RBBP4: variants seen among roughly 807,000 people sequenced by gnomAD.
RBBP4 encodes RB binding protein 4, chromatin remodeling factor.
RBBP4 carries 3 observed loss-of-function variants against 57.2 expected under a neutral mutation model. The observed-to-expected ratio is 0.05, with a 90% CI of 0.02 to 0.14. The LOEUF is 0.14. RBBP4 is among the 10% of genes least tolerant of loss of function. RBBP4 has a pLI of 1.00. For missense variants in RBBP4, 107 were observed against 520.6 expected, an observed-to-expected ratio of 0.21 and a Z score of 7.73; for synonymous variants, 151 against 171.5, an observed-to-expected ratio of 0.88 and a Z score of 0.93.
intron 3 of RBBP4, among the ~76,000 whole-genome samples, chr1:32,663,957 C>T (rs1055622724): frequency 2.4e-4 from 35 of 147,984 alleles, no homozygotes; most frequent in Non-Finnish European, 3.0e-4. Context: ...GATGGAGTCT[C>T]GCTCTGTTGC....
intron 3 of RBBP4, among the ~76,000 whole-genome samples, chr1:32,667,912 A>T (rs1267616607): frequency 6.6e-6 from 1 of 152,196 alleles, no homozygotes; most frequent in African/African-American, 2.4e-5. Flanking sequence ...GGGGATAATG[A>T]TGAGGGGGAA....
chr1:32,652,558 T>A (rs985560476), intron 2 of RBBP4: 1 of 153,368 alleles, frequency 6.5e-6, no homozygotes, highest in Non-Finnish European at 1.5e-5. Flanking sequence ...TTTTTCTTTT[T>A]GAGACGGTGT....
intron 11 of RBBP4, among the ~76,000 whole-genome samples, chr1:32,677,490 AAAAC>A (rs373752566): frequency 5.1e-4 from 76 of 150,006 alleles, no homozygotes; most frequent in African/African-American, 1.8e-3. Context: ...AACAAAACAA[AAAAC>A]AAACAAAAAA....
At chr1:32,660,158 A>G (rs1218993540) in intron 3 of RBBP4, among the ~76,000 whole-genome samples, 1 of 152,174 alleles carries the variant, frequency 6.6e-6, no homozygotes, top group Non-Finnish European at 1.5e-5. Context: ...ACCTCTTCAT[A>G]TAAGGTAAAT....
In RBBP4 at chr1:32,686,147, AAT is replaced by A. The variant is rs752089738; in HGVS notation, c.*6445_*6446del. On this transcript the variant is annotated 3_prime_UTR_variant, in exon 12 of 12. Transcript: ENST00000373493. ...CACACAAAATGTAAAATATGTCAAA[AAT>A]ATTTGATACTGATTACATGTTGAAA... 3 of 152,234 alleles carry A rather than the reference AAT, an allele frequency of 2.0e-5. No individual in the cohort carries two copies. Among genetic ancestry groups the A allele is most frequent in the Admixed American group, 6.5e-5 (1 of 15,286 alleles). 9.4% of individuals were successfully genotyped at this position (152,234 alleles called of 1,614,324 possible). A position where few individuals can be genotyped will look rare whatever the true frequency, so the allele number is the denominator to read the frequency against.
rs979673019 is a variant in RBBP4, at chr1:32,685,064, C to G, written c.*5359C>G. 6.6e-6 allele frequency: 1 copy of G among 152,200 alleles called. No homozygotes were observed. The highest frequency in any genetic ancestry group is 2.4e-5 in the African/African-American group (1 of 41,412). The allele number at this position is 152,200 out of a possible 1,614,324, so 9.4% of individuals were successfully genotyped here. On this transcript the variant is annotated 3_prime_UTR_variant, in exon 12 of 12. Coordinates refer to ENST00000373493, the MANE Select transcript of RBBP4 (RefSeq NM_005610.3). Reference sequence around the variant, plus strand: ...ACAGGGTCTCGCTATGTTGCCCAGGCTGGTCTTGTTCCTGGGCTCAAGCAG... The same window carrying G: ...ACAGGGTCTCGCTATGTTGCCCAGGGTGGTCTTGTTCCTGGGCTCAAGCAG...
At chr1:32,678,701 T>C (rs1489706285) in intron 11 of RBBP4, among the ~76,000 whole-genome samples, 1 of 147,248 alleles carries the variant, frequency 6.8e-6, no homozygotes, top group Non-Finnish European at 1.5e-5. Context: ...TCAATTCTTA[T>C]GCCTCAGCCT....
At chr1:32,651,544 G>C (rs1647654095) in intron 1 of RBBP4, 2 of 1,239,328 alleles carry the variant, frequency 1.6e-6, no homozygotes, top group African/African-American at 1.6e-5. Context: ...CCCCCGGCCA[G>C]TGTTTGTTTC....
rs1251484748 is a variant in RBBP4, at chr1:32,686,063, G to GGT, written c.*6358_*6359insGT. 6.6e-6 allele frequency: 1 copy of GGT among 152,156 alleles called. No homozygotes were observed. Among genetic ancestry groups the GGT allele is most frequent in the Non-Finnish European group, 1.5e-5 (1 of 68,028 alleles). The allele number at this position is 152,156 out of a possible 1,614,324, so 9.4% of individuals were successfully genotyped here. A position where few individuals can be genotyped will look rare whatever the true frequency, so the allele number is the denominator to read the frequency against. On this transcript the variant is annotated 3_prime_UTR_variant, in exon 12 of 12. Coordinates refer to ENST00000373493, the MANE Select transcript of RBBP4 (RefSeq NM_005610.3). ...GTCACATAGGACTCATTTGAAATATGACTAGTCTCAATTGAGATGTAATGT... is the reference window on the plus strand; with the variant it reads ...GTCACATAGGACTCATTTGAAATATGGTACTAGTCTCAATTGAGATGTAATGT...
At position 32,681,652 on chromosome 1, in the gene RBBP4, G is replaced by C. The variant is rs1289613318; in HGVS notation, c.*1947G>C. ...CAGATGAAATAGAATCCAGCAAAGA[G>C]TTGACATGTTCTGCCTCCGGCCAAC... is the stretch of plus-strand genomic sequence containing the variant. On this transcript the variant is annotated 3_prime_UTR_variant, in exon 12 of 12. Coordinates refer to ENST00000373493, the MANE Select transcript of RBBP4 (RefSeq NM_005610.3). 1.4e-6 allele frequency: 1 copy of C among 714,422 alleles called. No individual in the cohort carries two copies. Among genetic ancestry groups the C allele is most frequent in the Non-Finnish European group, 2.4e-6 (1 of 418,976 alleles). The allele number at this position is 714,422 out of a possible 1,614,324, so 44.3% of individuals were successfully genotyped here.
intron 2 of RBBP4, among the ~76,000 whole-genome samples, chr1:32,653,474 G>T (rs1385283728): frequency 6.6e-6 from 1 of 151,974 alleles, no homozygotes; most frequent in Admixed American, 6.6e-5. Flanking sequence ...ACAAATGATA[G>T]AAATTTGGCA....
At chr1:32,665,590 A>G (rs1648609956) in intron 3 of RBBP4, among the ~76,000 whole-genome samples, 1 of 151,570 alleles carries the variant, frequency 6.6e-6, no homozygotes, top group Non-Finnish European at 1.5e-5. Context: ...AGGCAGGAGA[A>G]TCGCTTGAAC....
rs1264568782 is a variant in RBBP4 at position 32,672,908 on chromosome 1, G to T, written c.1212+7G>T. On this transcript the variant is annotated splice_region_variant and intron_variant, in intron 11 of 11. Transcript: ENST00000373493. ...CATGCAAGTGTGGCAAATGGTAAGG[G>T]TTTAGTAATTTATTTTGGGGAGGTG... The T allele has an allele frequency of 1.9e-6, 3 of 1,587,862 alleles. No homozygotes were observed. Among genetic ancestry groups the T allele is most frequent in the Non-Finnish European group, 8.6e-7 (1 of 1,158,316 alleles).
At chr1:32,659,833 T>C (rs1472078664) in intron 3 of RBBP4, among the ~76,000 whole-genome samples, 4 of 152,212 alleles carry the variant, frequency 2.6e-5, no homozygotes, top group Non-Finnish European at 1.5e-5. Flanking sequence ...AACTATTCCT[T>C]ACTGATAGAC....
intron 11 of RBBP4, among the ~76,000 whole-genome samples, chr1:32,678,283 G>C (rs1649200485): frequency 6.6e-6 from 1 of 152,172 alleles, no homozygotes; most frequent in African/African-American, 2.4e-5. Context: ...CTGGAGTGCA[G>C]TGGTGTGATC....
chr1:32,655,390 A>G (rs1648094045), intron 2 of RBBP4, among the ~76,000 whole-genome samples: 1 of 149,048 alleles, frequency 6.7e-6, no homozygotes, highest in Non-Finnish European at 1.5e-5. Context: ...CCCCCCTTTA[A>G]AAAGAAAGAA....
chr1:32,651,818 T>C, intron 1 of RBBP4, 96 bp from the exon 2 acceptor site: 1 of 1,359,512 alleles, frequency 7.4e-7, no homozygotes, highest in Admixed American at 2.2e-5. Flanking sequence ...CACCTCCATT[T>C]CATGGTTAGG....
chr1:32,659,164 TACAC>T (rs917835888), intron 3 of RBBP4, among the ~76,000 whole-genome samples: 35 of 148,914 alleles, frequency 2.4e-4, no homozygotes, highest in East Asian at 1.2e-3. Context: ...TATGTAATTT[TACAC>T]ACACACAATA....
At chr1:32,662,400 G>A (rs1202268924) in intron 3 of RBBP4, 1 of 171,312 alleles carries the variant, frequency 5.8e-6, no homozygotes, top group Non-Finnish European at 1.3e-5. Flanking sequence ...TTTTGAGACA[G>A]AATTTCACTC....
Sources: allele counts gnomAD v4.1 joint callset (sites outside exome capture counted in the v4.1 genomes callset), GRCh38; gene constraint gnomAD v4.1.1; transcripts MANE v1.5; gene names NCBI Gene and HGNC (gene_info 2026-07-23, HGNC 2026-07-21).